PPARGC1A: variants seen among roughly 807,000 people sequenced by gnomAD.
PPARGC1A encodes the protein PPARG coactivator 1 alpha, also known as peroxisome proliferator-activated receptor gamma coactivator 1-alpha.
A neutral mutation model predicts 88.7 loss-of-function variants in PPARGC1A; 25 were observed. That is an observed-to-expected ratio of 0.28 (90% CI 0.21 to 0.39). The LOEUF (loss-of-function observed/expected upper bound fraction) is 0.39, where lower values mean the gene tolerates loss of function less well. Among genes scored for constraint, PPARGC1A ranks in the 10% least tolerant of loss-of-function variants. The pLI is 1.00. For synonymous variants in PPARGC1A, 363 were observed against 355.6 expected (o/e 1.02, Z -0.24); for missense variants, 880 against 968.7 (o/e 0.91, Z 1.22).
the PPARGC1A span, among the ~76,000 whole-genome samples, chr4:23,918,070 T>C: frequency 6.6e-6 from 1 of 152,178 alleles, no homozygotes; most frequent in South Asian, 2.1e-4. Context: ...CTTATAAAAC[T>C]CTGGCCTTTC....
the PPARGC1A span, among the ~76,000 whole-genome samples, chr4:24,198,279 T>C: frequency 6.6e-6 from 1 of 152,228 alleles, no homozygotes; most frequent in East Asian, 1.9e-4. Context: ...TGCATGCATG[T>C]ATGCATTCAT....
the PPARGC1A span, among the ~76,000 whole-genome samples, chr4:24,312,299 C>T: frequency 7.2e-5 from 11 of 152,200 alleles, no homozygotes; most frequent in South Asian, 2.1e-4. Context: ...CGTCACCAAA[C>T]GCACTTGTGG....
chr4:23,812,668 T>C (rs1721137976), intron 10 of PPARGC1A, 79 bp downstream of exon 10: 3 of 1,590,074 alleles, frequency 1.9e-6, no homozygotes, highest in Non-Finnish European at 2.6e-6. Flanking sequence ...TTGTTTATTT[T>C]CTAATCTATC....
the PPARGC1A span, among the ~76,000 whole-genome samples, chr4:24,343,271 T>C: frequency 6.6e-6 from 1 of 152,168 alleles, no homozygotes; most frequent in Non-Finnish European, 1.5e-5. Flanking sequence ...CTAAAACTCA[T>C]GTGGAAACTT....
the PPARGC1A span, among the ~76,000 whole-genome samples, chr4:23,987,004 A>G: frequency 6.6e-6 from 1 of 152,070 alleles, no homozygotes; most frequent in Admixed American, 6.6e-5. Flanking sequence ...TGAACACAGA[A>G]CTTGTTGTAA....
the PPARGC1A span, among the ~76,000 whole-genome samples, chr4:24,111,057 T>C: frequency 7.9e-5 from 12 of 152,220 alleles, no homozygotes; most frequent in Non-Finnish European, 1.3e-4. Flanking sequence ...CATTTTAAGA[T>C]ATTTAATCTC....
At chr4:24,334,065 T>C in the PPARGC1A span, among the ~76,000 whole-genome samples, 1 of 151,762 alleles carries the variant, frequency 6.6e-6, no homozygotes, top group African/African-American at 2.4e-5. Context: ...ACACAGACTG[T>C]TGCATCCTCA....
chr4:23,830,844 C>A (rs1467295352), intron 3 of PPARGC1A, among the ~76,000 whole-genome samples: 1 of 152,116 alleles, frequency 6.6e-6, no homozygotes, highest in Non-Finnish European at 1.5e-5. Flanking sequence ...TCTTCATTTC[C>A]AACAAATTCA....
chr4:24,427,251 G>A, the PPARGC1A span, among the ~76,000 whole-genome samples: 7 of 150,752 alleles, frequency 4.6e-5, no homozygotes, highest in Admixed American at 1.3e-4. Flanking sequence ...TTTTTCAAAT[G>A]TACAGAAAAT....
the PPARGC1A span, among the ~76,000 whole-genome samples, chr4:24,093,390 A>T: frequency 6.6e-6 from 1 of 152,164 alleles, no homozygotes; most frequent in Non-Finnish European, 1.5e-5. Flanking sequence ...TACAAACCTA[A>T]CTTGCCATTA....
chr4:24,456,489 T>G, the PPARGC1A span, among the ~76,000 whole-genome samples: 1 of 152,112 alleles, frequency 6.6e-6, no homozygotes, highest in African/African-American at 2.4e-5. Flanking sequence ...ACGCTGAAGT[T>G]GAGGATAATA....
the PPARGC1A span, among the ~76,000 whole-genome samples, chr4:24,365,946 T>C: frequency 6.6e-6 from 1 of 152,114 alleles, no homozygotes; most frequent in Non-Finnish European, 1.5e-5. Flanking sequence ...AACAGCCAGA[T>C]CACTTAGTAT....
chr4:23,885,978 G>A (rs1716807736), intron 1 of PPARGC1A, among the ~76,000 whole-genome samples: 1 of 152,126 alleles, frequency 6.6e-6, no homozygotes, highest in South Asian at 2.1e-4. Flanking sequence ...GGAGGCAAGT[G>A]GACTCCCCTT....
In PPARGC1A at chr4:23,814,189, A is replaced by T; in HGVS notation, c.1294T>A (p.Cys432Ser). 2 of 1,614,116 alleles carry T rather than the reference A, an allele frequency of 1.2e-6. No homozygotes were observed. Among genetic ancestry groups the T allele is most frequent in the Non-Finnish European group, 1.7e-6 (2 of 1,180,004 alleles). ...GCCTCCAAAGTCTCTCTCAGGTAGC[A>T]CTGGTCTGAATCTGTGGAAGAACAA... ...QICSSTDSDQ[C>S]YLRETLEASK... The change falls in exon 8 of 13, where the codon TGC becomes AGC. Residue 432 changes from cysteine to serine, a missense_variant. Cys to Ser is a moderately radical substitution (Grantham distance 112). Transcript: ENST00000264867.
At chr4:24,207,228 T>C in the PPARGC1A span, among the ~76,000 whole-genome samples, 37 of 152,292 alleles carry the variant, frequency 2.4e-4, no homozygotes, top group African/African-American at 8.9e-4. Context: ...AAAGGCAATA[T>C]GATTTTTGAA....
the PPARGC1A span, among the ~76,000 whole-genome samples, chr4:24,364,982 T>A: frequency 1.4e-4 from 21 of 152,102 alleles, no homozygotes; most frequent in African/African-American, 4.8e-4. Flanking sequence ...TACCCACATA[T>A]GCAAGGAGAC....
At chr4:23,960,829 A>G in the PPARGC1A span, among the ~76,000 whole-genome samples, 3 of 152,094 alleles carry the variant, frequency 2.0e-5, no homozygotes, top group South Asian at 2.1e-4. Flanking sequence ...CATTACTAAC[A>G]TAAGTCTTTC....
At chr4:24,300,324 ATTT>A in the PPARGC1A span, among the ~76,000 whole-genome samples, 1 of 44,998 alleles carries the variant, frequency 2.2e-5, no homozygotes, top group African/African-American at 7.1e-5. Context: ...ATACAATAGC[ATTT>A]TTTTTTTTTT....
the PPARGC1A span, among the ~76,000 whole-genome samples, chr4:24,284,565 G>A: frequency 6.6e-6 from 1 of 152,222 alleles, no homozygotes. Flanking sequence ...ATATAGGGAA[G>A]TGTGCGCCCC....
Sources: gnomAD v4.1 joint callset for allele counts (sites outside exome capture counted in the v4.1 genomes callset) on GRCh38, gnomAD v4.1.1 for gene constraint, MANE v1.5 for transcripts, NCBI Gene and HGNC (gene_info 2026-07-23, HGNC 2026-07-21) for gene names.